The following PTPRD variants were observed in gnomAD, a reference collection of about 807,000 sequenced individuals.
PTPRD encodes receptor-type tyrosine-protein phosphatase delta.
A neutral mutation model predicts 214.5 loss-of-function variants in PTPRD; 34 were observed. That is an observed-to-expected ratio of 0.16 (90% CI 0.12 to 0.21). PTPRD has a LOEUF of 0.21. Ranked by LOEUF, PTPRD falls within the 10% of genes least tolerant of loss-of-function variation. The pLI, the probability that PTPRD is intolerant of heterozygous loss-of-function variation, is 1.00. For synonymous variants in PTPRD, 1,128 were observed against 845.7 expected (o/e 1.33, Z -5.79); for missense variants, 2,545 against 2,398.7 (o/e 1.06, Z -1.27).
intron 2 of PTPRD, among the ~76,000 whole-genome samples, chr9:10,455,695 C>G (rs1035663031): frequency 6.6e-6 from 1 of 151,710 alleles, no homozygotes; most frequent in Non-Finnish European, 1.5e-5. Flanking sequence ...AGAACCAATA[C>G]AATATGTTCT....
intron 2 of PTPRD, among the ~76,000 whole-genome samples, chr9:10,503,778 G>T (rs937442434): frequency 6.6e-6 from 1 of 151,686 alleles, no homozygotes; most frequent in African/African-American, 2.4e-5. Context: ...GCCAAATAGG[G>T]GACAATAGAT....
At chr9:9,413,100 C>CTTTTTTTTTTTTTTTTTTTTTTTTT (rs5896325) in intron 8 of PTPRD, among the ~76,000 whole-genome samples, 1 of 63,026 alleles carries the variant, frequency 1.6e-5, no homozygotes, top group East Asian at 6.6e-4. Context: ...CTTGCAGCTT[C>CTTTTTTTTTTTTTTTTTTTTTTTTT]TTTTTTTTTT....
intron 3 of PTPRD, among the ~76,000 whole-genome samples, chr9:10,112,171 G>A (rs1441350106): frequency 6.6e-6 from 1 of 152,166 alleles, no homozygotes; most frequent in Non-Finnish European, 1.5e-5. Flanking sequence ...TTCGCTTTTT[G>A]GAATGGTCAG....
chr9:8,374,308 C>A (rs2082567149), intron 39 of PTPRD, among the ~76,000 whole-genome samples: 1 of 151,820 alleles, frequency 6.6e-6, no homozygotes, highest in Non-Finnish European at 1.5e-5. Flanking sequence ...CAAGCAGAGG[C>A]ACCATATAAT....
At chr9:8,400,186 T>C (rs2092137996) in intron 36 of PTPRD, among the ~76,000 whole-genome samples, 1 of 152,210 alleles carries the variant, frequency 6.6e-6, no homozygotes, top group South Asian at 2.1e-4. Flanking sequence ...TGAAGATTAA[T>C]TATACTTTAG....
rs796833700 is a variant in PTPRD, at chr9:8,713,842, G to A, written c.64+19938C>T. Reference sequence around the variant, plus strand: ...CAAGAGGCCCAACACCTTCTTCTAGGTGCAGGGCCCTCGCCCGGGTGCGCC... The same window carrying A: ...CAAGAGGCCCAACACCTTCTTCTAGATGCAGGGCCCTCGCCCGGGTGCGCC... On this transcript the variant is annotated intron_variant, in intron 12 of 45. Coordinates refer to ENST00000381196, the MANE Select transcript of PTPRD (RefSeq NM_002839.4). The A allele has an allele frequency of 3.7e-5, 54 of 1,457,744 alleles. No homozygotes were observed. The South Asian group carries it at 6.4e-4, about 17-fold the overall frequency. The allele number at this position is 1,457,744 out of a possible 1,614,324, so 90.3% of individuals were successfully genotyped here.
In PTPRD at chr9:9,293,293, T is replaced by C. The variant is rs533962580; in HGVS notation, c.-203+104156A>G. On this transcript the variant is annotated intron_variant, in intron 9 of 45. Transcript: ENST00000381196. Reference sequence around the variant, plus strand: ...ATACTTTGATAATTTAATATTATTTTATTTGTTGAATATATTGTTCCAGAT... The same window carrying C: ...ATACTTTGATAATTTAATATTATTTCATTTGTTGAATATATTGTTCCAGAT... 2.0e-5 allele frequency among the ~76,000 whole-genome samples: 3 copies of C among 151,698 alleles called. No individual in the cohort carries two copies. The East Asian group carries it at 5.8e-4, about 30-fold the overall frequency.
chr9:10,163,452 A>C (rs2099141038), intron 3 of PTPRD, among the ~76,000 whole-genome samples: 1 of 151,502 alleles, frequency 6.6e-6, no homozygotes, highest in African/African-American at 2.4e-5. Flanking sequence ...TCACTTTTAT[A>C]AAGTGAGAGT....
chr9:9,393,459 G>A (rs954804007), intron 9 of PTPRD, among the ~76,000 whole-genome samples: 1 of 152,162 alleles, frequency 6.6e-6, no homozygotes, highest in East Asian at 1.9e-4. Flanking sequence ...ATAGAAAGAG[G>A]GGCCACATGG....
intron 14 of PTPRD, among the ~76,000 whole-genome samples, chr9:8,535,464 T>C (rs920583384): frequency 2.0e-5 from 3 of 152,006 alleles, no homozygotes; most frequent in East Asian, 3.9e-4. Flanking sequence ...AAAATCCATA[T>C]TGTCAGATGA....
Position 9,701,185 on chromosome 9 carries a change from C to T in PTPRD, c.-287+33348G>A, listed in dbSNP as rs988276037. Among the ~76,000 whole-genome samples, 4 of 152,026 alleles carry T rather than the reference C, an allele frequency of 2.6e-5. No homozygotes were observed. The South Asian group carries it at 8.3e-4, about 32-fold the overall frequency. ...AGCTTAGGAATTTGGCATAGTGTTGCCTAAATATACAAGGAAGCCATTTTG... is the reference window on the plus strand; with the variant it reads ...AGCTTAGGAATTTGGCATAGTGTTGTCTAAATATACAAGGAAGCCATTTTG... On this transcript the variant is annotated intron_variant, in intron 7 of 45. Coordinates refer to ENST00000381196, the MANE Select transcript of PTPRD (RefSeq NM_002839.4).
At chr9:8,784,819 CG>C (rs2095872415) in intron 11 of PTPRD, among the ~76,000 whole-genome samples, 1 of 152,148 alleles carries the variant, frequency 6.6e-6, no homozygotes, top group Non-Finnish European at 1.5e-5. Context: ...CAGAAACACG[CG>C]TTTTTCTCTA....
rs150899541 is a variant in PTPRD, at chr9:8,485,904, A to G, written c.2913T>C (p.Leu971=). Residue 971 remains leucine (L), a synonymous_variant, in exon 28 of 46, where the codon CTT becomes CTC. Transcript: ENST00000381196. ...TCATAGTGGTGTCAGCTGGAACAAT[A>G]AGCTGCTCCATCGGGAGAAGGGGGA... The part of the protein sequence containing the change: ...INIPLLPMEQ[L]IVPADTTMTL... 1.9e-6 allele frequency: 3 copies of G among 1,614,196 alleles called. No individual in the cohort carries two copies. The highest frequency in any genetic ancestry group is 2.5e-6 in the Non-Finnish European group (3 of 1,180,028).
chr9:8,672,212 C>T (rs2097301378), intron 12 of PTPRD, among the ~76,000 whole-genome samples: 2 of 152,096 alleles, frequency 1.3e-5, no homozygotes, highest in Admixed American at 6.5e-5. Context: ...CTTCTTAAAT[C>T]CATTTCTTCG....
chr9:8,620,435 G>A (rs2095783767), intron 14 of PTPRD, among the ~76,000 whole-genome samples: 1 of 151,958 alleles, frequency 6.6e-6, no homozygotes, highest in South Asian at 2.1e-4. Context: ...CTAGACTTTA[G>A]AGCTAGTTTA....
intron 35 of PTPRD, among the ~76,000 whole-genome samples, chr9:8,414,675 T>A (rs1564638906): frequency 6.6e-6 from 1 of 151,684 alleles, no homozygotes; most frequent in African/African-American, 2.4e-5. Context: ...TGTCCCAGCG[T>A]AGTTATTAAT....
intron 9 of PTPRD, among the ~76,000 whole-genome samples, chr9:9,287,410 T>C (rs77753412): frequency 0.019 from 2,932 of 152,008 alleles, 91 homozygotes; most frequent in African/African-American, 0.066. Flanking sequence ...TGCTAAATTA[T>C]ATGTCTCAAG....
intron 6 of PTPRD, among the ~76,000 whole-genome samples, chr9:9,752,394 G>A (rs994253519): frequency 8.6e-5 from 13 of 151,960 alleles, no homozygotes; most frequent in Non-Finnish European, 1.9e-4. Context: ...TTTTAGAGAT[G>A]AACAAATTGA....
chr9:8,722,384 CTATTT>C (rs2098510413), intron 12 of PTPRD, among the ~76,000 whole-genome samples: 1 of 152,028 alleles, frequency 6.6e-6, no homozygotes, highest in African/African-American at 2.4e-5. Context: ...ACACCATGTA[CTATTT>C]TAGAGAAAAC....
Sources: gnomAD v4.1 joint callset for allele counts (sites outside exome capture counted in the v4.1 genomes callset) on GRCh38, gnomAD v4.1.1 for gene constraint, MANE v1.5 for transcripts, NCBI Gene and HGNC (gene_info 2026-07-23, HGNC 2026-07-21) for gene names.